GRIP2: variants seen among roughly 807,000 people sequenced by gnomAD.
The protein encoded by GRIP2 is glutamate receptor interacting protein 2.
Under a neutral mutation model 108.3 loss-of-function variants are expected in GRIP2, and 58 were observed. That is an observed-to-expected ratio of 0.54 (90% confidence interval 0.43 to 0.67). GRIP2 has a LOEUF of 0.67. Among genes scored for constraint, GRIP2 ranks in the 30% least tolerant of loss-of-function variants. The pLI is 0.00. For synonymous variants in GRIP2, 586 were observed against 598.2 expected (o/e 0.98, Z 0.30); for missense variants, 1,278 against 1,430.6 (o/e 0.89, Z 1.72).
chr3:14,561,421 T>C, the GRIP2 span, among the ~76,000 whole-genome samples: 1 of 152,060 alleles, frequency 6.6e-6, no homozygotes, highest in Non-Finnish European at 1.5e-5. Context: ...TCTCACTTTC[T>C]CGGTCCCAAG....
the GRIP2 span, among the ~76,000 whole-genome samples, chr3:14,576,526 C>T: frequency 2.0e-5 from 3 of 152,210 alleles, no homozygotes; most frequent in Non-Finnish European, 4.4e-5. Context: ...TGCTGGGCCA[C>T]GCTGGGCCAG....
At position 14,496,563 on chromosome 3, in the gene GRIP2, GC is replaced by G. The variant is rs1438396841; in HGVS notation, c.2680-4del. On this transcript the variant is annotated splice_region_variant and splice_polypyrimidine_tract_variant and intron_variant, in intron 21 of 23. Coordinates refer to ENST00000621039, the MANE Select transcript of GRIP2 (RefSeq NM_001080423.4). ...ACGGTGCCCGTCATGATGGATGCCT[GC>G]AAGGAACACGGCCTTTCTTTCAGAT... The G allele has an allele frequency of 6.4e-6, 10 of 1,562,368 alleles. No homozygotes were observed. In the African/African-American group the frequency reaches 1.3e-4, roughly 20 times the overall value.
At chr3:14,547,327 G>C (rs2124973206) in intron 1 of GRIP2, among the ~76,000 whole-genome samples, 1 of 152,296 alleles carries the variant, frequency 6.6e-6, no homozygotes, top group East Asian at 1.9e-4. Context: ...CAGACGGAAA[G>C]ACCTGTTTCA....
rs557358911 is a variant in GRIP2, at chr3:14,528,086, C to A, written c.41-2155G>T. ...TCAGTCCCTGCCCCAACCTCTGTTC[C>A]CCACAAGCACTTATCTGTTTTCAGT... On this transcript the variant is annotated intron_variant, in intron 1 of 23. Coordinates refer to ENST00000621039, the MANE Select transcript of GRIP2 (RefSeq NM_001080423.4). Among the ~76,000 whole-genome samples the A allele has an allele frequency of 5.3e-5, 8 of 152,266 alleles. No homozygotes were observed. The South Asian group carries it at 1.2e-3, about 24-fold the overall frequency.
chr3:14,499,367 G>A (rs1001816894), intron 21 of GRIP2, among the ~76,000 whole-genome samples: 1 of 129,690 alleles, frequency 7.7e-6, no homozygotes, highest in African/African-American at 2.6e-5. Context: ...CCTGCCCACA[G>A]ACAAAACAAG....
At chr3:14,542,019 C>A, upstream of GRIP2, 1 of 1,353,100 alleles carries the variant, frequency 7.4e-7, no homozygotes, top group African/African-American at 1.5e-5. Flanking sequence ...CTAACAGATC[C>A]TCACCCCACT....
At chr3:14,598,347 GACACACAC>G in the GRIP2 span, among the ~76,000 whole-genome samples, 4 of 147,520 alleles carry the variant, frequency 2.7e-5, no homozygotes, top group Admixed American at 6.7e-5. Flanking sequence ...ACCACAGGGG[GACACACAC>G]ACACACACAC....
At chr3:14,554,129 G>A (rs1264166576) in intron 1 of GRIP2, among the ~76,000 whole-genome samples, 2 of 152,110 alleles carry the variant, frequency 1.3e-5, no homozygotes, top group African/African-American at 2.4e-5. Flanking sequence ...TTCCTCAATC[G>A]GCACTGCAAT....
rs149570410 is a variant in GRIP2, at chr3:14,520,576, C to A, written c.713-39G>T. The A allele has an allele frequency of 1.5e-3, 2,364 of 1,609,834 alleles. 31 individuals are homozygous for A. In the African/African-American group the frequency reaches 0.028, roughly 19 times the overall value. On this transcript the variant is annotated intron_variant, in intron 7 of 23. Transcript: ENST00000621039. ...GAAAAAAAGTTTGAAATGCAAATAC[C>A]GAGCACTTTCCTCCCCAGCCTCACC...
the GRIP2 span, among the ~76,000 whole-genome samples, chr3:14,585,170 C>T: frequency 6.6e-6 from 1 of 152,156 alleles, no homozygotes; most frequent in African/African-American, 2.4e-5. Flanking sequence ...CTACACTCAC[C>T]CGCCACCATG....
intron 3 of GRIP2, among the ~76,000 whole-genome samples, chr3:14,525,092 T>C (rs1275806248): frequency 6.6e-6 from 1 of 152,062 alleles, no homozygotes; most frequent in East Asian, 1.9e-4. Flanking sequence ...GTGACCTCTG[T>C]GTTGAGTGTG....
chr3:14,597,084 A>ACTTCC, the GRIP2 span, among the ~76,000 whole-genome samples: 1 of 152,324 alleles, frequency 6.6e-6, no homozygotes, highest in African/African-American at 2.4e-5. Context: ...AACCAGTGGA[A>ACTTCC]GATCAATCCA....
At chr3:14,529,258 G>A (rs940960944) in intron 1 of GRIP2, among the ~76,000 whole-genome samples, 3 of 137,776 alleles carry the variant, frequency 2.2e-5, no homozygotes, top group Non-Finnish European at 3.0e-5. Flanking sequence ...CAGCCTGGGC[G>A]ACAGAGTGAG....
chr3:14,550,070 G>C (rs1380992121), intron 1 of GRIP2, among the ~76,000 whole-genome samples: 1 of 152,172 alleles, frequency 6.6e-6, no homozygotes, highest in Non-Finnish European at 1.5e-5. Context: ...AGGGTTTGGG[G>C]GTGGGCCCTG....
chr3:14,602,292 G>T, the GRIP2 span: 3 of 87,072 alleles, frequency 3.4e-5, no homozygotes, highest in Admixed American at 3.7e-4. This position sits in a 1 kb window ranked among gnomAD's most constrained non-coding sequence, Gnocchi z 4.7. Context: ...CCCCGCGCAG[G>T]GGTTGAGCCG....
At chr3:14,584,510 A>G in the GRIP2 span, among the ~76,000 whole-genome samples, 1 of 152,148 alleles carries the variant, frequency 6.6e-6, no homozygotes, top group South Asian at 2.1e-4. Flanking sequence ...TGGAAAAACA[A>G]CTTGCGGGGA....
chr3:14,498,591 CT>C (rs1488490155), intron 21 of GRIP2, among the ~76,000 whole-genome samples: 3 of 145,818 alleles, frequency 2.1e-5, no homozygotes, highest in Admixed American at 7.0e-5. Flanking sequence ...TGATCTTCAC[CT>C]GCCTGGGAGC....
At position 14,493,843 on chromosome 3, in the gene GRIP2, C is replaced by T; in HGVS notation, c.2971-17G>A. 6.2e-7 allele frequency: 1 copy of T among 1,603,832 alleles called. No homozygotes were observed. The highest frequency in any genetic ancestry group is 1.1e-5 in the South Asian group (1 of 90,164). ...GTGGTTGACCTGCATGGGGCACAAGCAAGGGAACAGAACCGAGATGTCAGC... is the reference window on the plus strand; with the variant it reads ...GTGGTTGACCTGCATGGGGCACAAGTAAGGGAACAGAACCGAGATGTCAGC... On this transcript the variant is annotated splice_polypyrimidine_tract_variant and intron_variant, in intron 23 of 23. Transcript: ENST00000621039.
the GRIP2 span, among the ~76,000 whole-genome samples, chr3:14,570,168 A>G: frequency 3.3e-5 from 5 of 152,202 alleles, no homozygotes; most frequent in African/African-American, 4.8e-5. Flanking sequence ...TTTTGAGAAC[A>G]GGGGTGTCTA....
Sources: allele counts gnomAD v4.1 joint callset (sites outside exome capture counted in the v4.1 genomes callset), GRCh38; gene constraint gnomAD v4.1.1; non-coding constraint Gnocchi (gnomAD v3.1); transcripts MANE v1.5; gene names NCBI Gene and HGNC (gene_info 2026-07-23, HGNC 2026-07-21).